The following OR2J2 variants were observed in gnomAD, a reference collection of about 807,000 sequenced individuals.
OR2J2 encodes olfactory receptor family 2 subfamily J member 2, also known as olfactory receptor 2J2.
OR2J2 carries 13 observed loss-of-function variants against 16.9 expected under a neutral mutation model. The ratio of observed to expected loss-of-function variants is 0.77; its 90% CI spans 0.50 to 1.23. The LOEUF is 1.23. OR2J2 is among the 50% of genes most tolerant of loss of function. The probability of loss-of-function intolerance (pLI) is 0.00; values close to 1 mark genes in which losing one functional copy is unlikely to be tolerated. For synonymous variants in OR2J2, 125 were observed against 141.2 expected, an observed-to-expected ratio of 0.89 and a Z score of 0.81; for missense variants, 341 against 379.1, an observed-to-expected ratio of 0.90 and a Z score of 0.84.
rs1167804384 is a variant in OR2J2, at chr6:29,173,913, T to A, written c.278T>A (p.Ile93Asn). The change falls in exon 2 of 2, where the codon ATC becomes AAC. Residue 93 changes from isoleucine to asparagine, a missense_variant. Coordinates refer to ENST00000641417, the MANE Select transcript of OR2J2 (RefSeq NM_030905.3). ...AATCTCCGGGGCCCGGAAAAGACCA[T>A]CTCGTATGCTGGTTGCATGGTTCAA... Reference protein sequence around the residue: ...LVNLRGPEKTISYAGCMVQLY... With the variant: ...LVNLRGPEKTNSYAGCMVQLY... 1.2e-6 allele frequency: 2 copies of A among 1,611,708 alleles called. No individual in the cohort carries two copies.
Position 29,174,125 on chromosome 6 carries a change from A to C in OR2J2, c.490A>C (p.Thr164Pro). The part of the protein sequence containing the change: ...FTISALHSSF[T>P]FWVPLCGHRL... ...TATCTCAGCACTTCATTCCTCCTTT[A>C]CTTTCTGGGTACCCCTTTGTGGACA... The change falls in exon 2 of 2, where the codon ACT becomes CCT. Residue 164 changes from threonine to proline, a missense_variant. Physicochemically the swap from Thr to Pro is conservative, Grantham distance 38 (BLOSUM62 -1). Coordinates refer to ENST00000641417, the MANE Select transcript of OR2J2 (RefSeq NM_030905.3). The C allele has an allele frequency of 1.9e-6, 3 of 1,611,800 alleles. No homozygotes were observed. The highest frequency in any genetic ancestry group is 2.5e-6 in the Non-Finnish European group (3 of 1,179,430).
At position 29,174,951 on chromosome 6, in the gene OR2J2, A is replaced by G. The variant is rs1168895625; in HGVS notation, c.*377A>G. The stretch of plus-strand genomic sequence containing the variant: ...TACAGAAAGAGAAGGGCAATATTGC[A>G]AAGACTTAGGCTAAAAAGGTTTTTG... On this transcript the variant is annotated 3_prime_UTR_variant, in exon 2 of 2. Coordinates refer to ENST00000641417, the MANE Select transcript of OR2J2 (RefSeq NM_030905.3). The G allele has an allele frequency of 5.5e-6, 1 of 180,394 alleles. No individual in the cohort carries two copies. The allele number at this position is 180,394 out of a possible 1,614,324, so 11.2% of individuals were successfully genotyped here.
chr6:29,173,634 G>A lies in OR2J2; in HGVS notation c.-2G>A. The A allele has an allele frequency of 6.3e-7, 1 of 1,589,932 alleles. No individual in the cohort carries two copies. The highest frequency in any genetic ancestry group is 8.6e-7 in the Non-Finnish European group (1 of 1,168,240). ...CTTTCTTTAGGTATAAGAAAAAGAT[G>A]AATGATGATTAAAAAAAATGCAAGT... On this transcript the variant is annotated 5_prime_UTR_variant, in exon 2 of 2. An upstream start codon of the reference 5' UTR is lost. Coordinates refer to ENST00000641417, the MANE Select transcript of OR2J2 (RefSeq NM_030905.3).
chr6:29,175,384 C>T lies in OR2J2; in HGVS notation c.*810C>T, dbSNP rs1765799302. The T allele has an allele frequency of 6.6e-6, 1 of 152,122 alleles. No individual in the cohort carries two copies. The allele number at this position is 152,122 out of a possible 1,614,324, so 9.4% of individuals were successfully genotyped here. On this transcript the variant is annotated 3_prime_UTR_variant, in exon 2 of 2. Coordinates refer to ENST00000641417, the MANE Select transcript of OR2J2 (RefSeq NM_030905.3). ...AGTATCTGTGCATGGCTTAATTTGTCACTGGGGGTAATGCTAATACATTAA... is the reference window on the plus strand; with the variant it reads ...AGTATCTGTGCATGGCTTAATTTGTTACTGGGGGTAATGCTAATACATTAA...
rs774216085 is a variant in OR2J2, at chr6:29,173,768, TTCA to T, written c.142_144del (p.Ile48del). The T allele has an allele frequency of 1.9e-6, 3 of 1,613,672 alleles. No homozygotes were observed. Among genetic ancestry groups the T allele is most frequent in the African/African-American group, 2.7e-5 (2 of 74,818 alleles). ...CCTGATGACACTGACAGGAAACCTG[TTCA>T]TCATCATCCTGTCATACGTGGACTC... is the stretch of plus-strand genomic sequence containing the variant. On this transcript the variant is annotated inframe_deletion, in exon 2 of 2. Transcript: ENST00000641417.
chr6:29,171,098 A>G lies in OR2J2; in HGVS notation c.-25A>G, dbSNP rs1196378687. 6.6e-6 allele frequency: 1 copy of G among 152,132 alleles called. No individual in the cohort carries two copies. Among genetic ancestry groups the G allele is most frequent in the Admixed American group, 6.6e-5 (1 of 15,244 alleles). 9.4% of individuals were successfully genotyped at this position (152,132 alleles called of 1,614,324 possible). ...AGAGTGACAGGGAACAGGGACAAAC[A>G]CAGGAAGGTCAGTACTGAAAGAAGT... On this transcript the variant is annotated 5_prime_UTR_variant, in exon 1 of 2. Transcript: ENST00000641417.
chr6:29,174,827 C>A lies in OR2J2; in HGVS notation c.*253C>A. ...CTGTGAAAATTGTGGACTGTGGTTTCAACGTAAATAAATGTGCATGCGAAT... is the reference window on the plus strand; with the variant it reads ...CTGTGAAAATTGTGGACTGTGGTTTAAACGTAAATAAATGTGCATGCGAAT... On this transcript the variant is annotated 3_prime_UTR_variant, in exon 2 of 2. Transcript: ENST00000641417. The A allele has an allele frequency of 4.7e-6, 2 of 424,502 alleles. No individual in the cohort carries two copies. The highest frequency in any genetic ancestry group is 8.3e-6 in the Non-Finnish European group (2 of 241,872). 26.3% of individuals were successfully genotyped at this position (424,502 alleles called of 1,614,324 possible). A position where few individuals can be genotyped will look rare whatever the true frequency, so the allele number is the denominator to read the frequency against.
At chr6:29,172,751 C>G (rs575769401) in intron 1 of OR2J2, among the ~76,000 whole-genome samples, 5 of 152,188 alleles carry the variant, frequency 3.3e-5, no homozygotes, top group Middle Eastern at 6.8e-3. Context: ...AAGTATAGTT[C>G]AGTTATTGGC....
chr6:29,173,634 GAAT>G lies in OR2J2; in HGVS notation c.-1_2del. The G allele has an allele frequency of 6.3e-7, 1 of 1,589,932 alleles. No homozygotes were observed. Among genetic ancestry groups the G allele is most frequent in the Non-Finnish European group, 8.6e-7 (1 of 1,168,240 alleles). Reference sequence around the variant, plus strand: ...CTTTCTTTAGGTATAAGAAAAAGATGAATGATGATTAAAAAAAATGCAAGTTCG... The same window carrying G: ...CTTTCTTTAGGTATAAGAAAAAGATGGATGATTAAAAAAAATGCAAGTTCG... On this transcript the variant is annotated start_lost and 5_prime_UTR_variant, in exon 2 of 2. Coordinates refer to ENST00000641417, the MANE Select transcript of OR2J2 (RefSeq NM_030905.3).
chr6:29,174,144 G>T lies in OR2J2; in HGVS notation c.509G>T (p.Cys170Phe), dbSNP rs1161144925. The change falls in exon 2 of 2, where the codon TGT (cysteine) becomes TTT (phenylalanine). Residue 170 changes from cysteine to phenylalanine, a missense_variant. Cys to Phe is a radical substitution (Grantham distance 205). Transcript: ENST00000641417. ...TCCTTTACTTTCTGGGTACCCCTTT[G>T]TGGACATCGCCTAGTGGATCACTTC... ...HSSFTFWVPL[C>F]GHRLVDHFFC... The T allele has an allele frequency of 1.2e-6, 2 of 1,613,590 alleles. No homozygotes were observed. Among genetic ancestry groups the T allele is most frequent in the South Asian group, 2.2e-5 (2 of 91,040 alleles).
chr6:29,171,198 T>A (rs565615041), intron 1 of OR2J2, 93 bp downstream of exon 1: 2 of 152,066 alleles, frequency 1.3e-5, no homozygotes, highest in South Asian at 2.1e-4. Flanking sequence ...ATGTTCTTAC[T>A]ACAAAAATAT....
Position 29,173,606 on chromosome 6 carries a change from G to A in OR2J2, c.-17-13G>A. The A allele has an allele frequency of 6.6e-7, 1 of 1,520,604 alleles. No individual in the cohort carries two copies. The highest frequency in any genetic ancestry group is 1.3e-5 in the South Asian group (1 of 78,934). 94.2% of individuals were successfully genotyped at this position (1,520,604 alleles called of 1,614,324 possible). On this transcript the variant is annotated splice_polypyrimidine_tract_variant and intron_variant, in intron 1 of 1. Transcript: ENST00000641417. ...CATGGACAGACTTTGAGTTTATGTG[G>A]TTCTTTCTTTAGGTATAAGAAAAAG...
At position 29,174,105 on chromosome 6, in the gene OR2J2, C is replaced by T. The variant is rs1281116046; in HGVS notation, c.470C>T (p.Ser157Leu). The T allele has an allele frequency of 1.2e-6, 2 of 1,613,504 alleles. No individual in the cohort carries two copies. The highest frequency in any genetic ancestry group is 1.7e-6 in the Non-Finnish European group (2 of 1,179,896). Residue 157 changes from serine to leucine, a missense_variant, in exon 2 of 2, where the codon TCA becomes TTA. By Grantham distance (145) the Ser-to-Leu change is moderately radical. Coordinates refer to ENST00000641417, the MANE Select transcript of OR2J2 (RefSeq NM_030905.3). ...TCTTGGGTAATTGGTTTTACTATCT[C>T]AGCACTTCATTCCTCCTTTACTTTC... ...AASWVIGFTI[S>L]ALHSSFTFWV...
At chr6:29,173,137 ATTCT>A (rs1186190642) in intron 1 of OR2J2, among the ~76,000 whole-genome samples, 1 of 152,098 alleles carries the variant, frequency 6.6e-6, no homozygotes, top group Non-Finnish European at 1.5e-5. Flanking sequence ...ATAGCATTTG[ATTCT>A]TTCTATAATC....
At position 29,173,653 on chromosome 6, in the gene OR2J2, T is replaced by A. The variant is rs1475256443; in HGVS notation, c.18T>A (p.Asn6Lys). 6.2e-7 allele frequency: 1 copy of A among 1,600,162 alleles called. No individual in the cohort carries two copies. Among genetic ancestry groups the A allele is most frequent in the African/African-American group, 1.4e-5 (1 of 74,016 alleles). MMIKK[N>K]ASSEDFFILL... is the part of the protein sequence containing the mutation. The stretch of plus-strand genomic sequence containing the variant: ...AAAGATGAATGATGATTAAAAAAAA[T>A]GCAAGTTCGGAAGACTTCTTTATTC... The change falls in exon 2 of 2, where the codon AAT becomes AAA. Residue 6 changes from asparagine to lysine, a missense_variant. Transcript: ENST00000641417.
At chr6:29,171,833 C>A (rs1010731970) in intron 1 of OR2J2, among the ~76,000 whole-genome samples, 9 of 152,054 alleles carry the variant, frequency 5.9e-5, no homozygotes, top group Non-Finnish European at 1.3e-4. Flanking sequence ...CCCATGATTT[C>A]TCAAAAGGTT....
rs1352518504 is a variant in OR2J2 at position 29,175,625 on chromosome 6, A to G, written c.*1051A>G. 2 of 152,102 alleles carry G rather than the reference A, an allele frequency of 1.3e-5. No homozygotes were observed. Among genetic ancestry groups the G allele is most frequent in the Non-Finnish European group, 2.9e-5 (2 of 68,014 alleles). 9.4% of individuals were successfully genotyped at this position (152,102 alleles called of 1,614,324 possible). On this transcript the variant is annotated 3_prime_UTR_variant, in exon 2 of 2. Coordinates refer to ENST00000641417, the MANE Select transcript of OR2J2 (RefSeq NM_030905.3). The stretch of plus-strand genomic sequence containing the variant: ...AAACCCCATCTCTACTAAAAATACA[A>G]AACAATTAGCTAGGCATGGTGGCAC...
At chr6:29,173,466 T>A (rs1765610124) in intron 1 of OR2J2, 153 bp from the exon 2 acceptor site, 1 of 542,894 alleles carries the variant, frequency 1.8e-6, no homozygotes, top group East Asian at 2.9e-5. Flanking sequence ...GATAAATATC[T>A]CAATGAAGCA....
intron 1 of OR2J2, among the ~76,000 whole-genome samples, chr6:29,172,580 A>C (rs1303637468): frequency 2.6e-5 from 4 of 152,136 alleles, no homozygotes; most frequent in Non-Finnish European, 1.5e-5. Flanking sequence ...GCATATTTGA[A>C]TTTCTTCATT....
Sources: allele counts gnomAD v4.1 joint callset (sites outside exome capture counted in the v4.1 genomes callset), GRCh38; gene constraint gnomAD v4.1.1; transcripts MANE v1.5; gene names NCBI Gene and HGNC (gene_info 2026-07-23, HGNC 2026-07-21).